The following CACNA2D1 variants were observed in gnomAD, a reference collection of about 807,000 sequenced individuals.
CACNA2D1 encodes voltage-dependent calcium channel subunit alpha-2/delta-1.
A neutral mutation model predicts 171.5 loss-of-function variants in CACNA2D1; 53 were observed. The ratio of observed to expected loss-of-function variants is 0.31; its 90% CI spans 0.25 to 0.39. CACNA2D1 has a LOEUF of 0.39. Ranked by LOEUF, CACNA2D1 falls within the 10% of genes least tolerant of loss-of-function variation. The pLI is 1.00. For missense variants in CACNA2D1, 903 were observed against 1,299.8 expected (o/e 0.69, Z 4.69); for synonymous variants, 442 against 443.1 (o/e 1.00, Z 0.03).
Position 81,997,455 on chromosome 7 carries a change from C to CTTGA in CACNA2D1, c.1591-206_1591-205insTCAA, listed in dbSNP as rs1554345207. Among the ~76,000 whole-genome samples, 873 of 151,074 alleles carry CTTGA rather than the reference C, an allele frequency of 5.8e-3. 12 individuals carry two copies. Among genetic ancestry groups the CTTGA allele is most frequent in the African/African-American group, 0.02 (841 of 41,254 alleles). On this transcript the variant is annotated intron_variant, in intron 18 of 38. Coordinates refer to ENST00000356860, the MANE Select transcript of CACNA2D1 (RefSeq NM_000722.4). ...AGATTGAGCTTTAAGTGCAGGAAAT[C>CTTGA]TTAATAAGCAAGTGAAGACAGTGTC...
chr7:82,348,141 T>A (rs1196782107), intron 2 of CACNA2D1, among the ~76,000 whole-genome samples: 1 of 152,076 alleles, frequency 6.6e-6, no homozygotes, highest in Admixed American at 6.6e-5. Flanking sequence ...CTGTACTTTC[T>A]TTTTTTTCTC....
chr7:82,412,182 A>T (rs567256562), intron 1 of CACNA2D1, among the ~76,000 whole-genome samples: 1 of 151,890 alleles, frequency 6.6e-6, no homozygotes, highest in Admixed American at 6.6e-5. Flanking sequence ...CATATCTCAC[A>T]TGTATTTGTA....
chr7:82,396,568 G>C (rs1047819797), intron 1 of CACNA2D1, among the ~76,000 whole-genome samples: 6 of 152,118 alleles, frequency 3.9e-5, no homozygotes, highest in African/African-American at 1.4e-4. Flanking sequence ...CCTTGTACTA[G>C]CTACTTCTTT....
intron 3 of CACNA2D1, among the ~76,000 whole-genome samples, chr7:82,171,346 C>A (rs1434396973): frequency 6.6e-6 from 1 of 151,848 alleles, no homozygotes; most frequent in Non-Finnish European, 1.5e-5. Context: ...AGCTTTTAGA[C>A]TTTTCTCTTT....
chr7:81,995,775 G>A (rs930658216), intron 19 of CACNA2D1, among the ~76,000 whole-genome samples: 1 of 144,536 alleles, frequency 6.9e-6, no homozygotes, highest in African/African-American at 2.7e-5. Flanking sequence ...CTCCAGCCTG[G>A]GCGACAGAGC....
In CACNA2D1 at chr7:82,067,222, C is replaced by T. The variant is rs147498007; in HGVS notation, c.659-698G>A. On this transcript the variant is annotated intron_variant, in intron 7 of 38. Transcript: ENST00000356860. The stretch of plus-strand genomic sequence containing the variant: ...ATTGATACTTACTTTAATTAAAATG[C>T]TTTACAAAGCTTTACATGCATGCAC... Among the ~76,000 whole-genome samples the T allele has an allele frequency of 3.4e-3, 518 of 152,116 alleles. 3 individuals are homozygous for T. The highest frequency in any genetic ancestry group is 0.014 in the Middle Eastern group (4 of 294).
rs915169265 is a variant in CACNA2D1 at position 82,385,314 on chromosome 7, T to G, written c.96-35665A>C. On this transcript the variant is annotated intron_variant, in intron 1 of 38. Coordinates refer to ENST00000356860, the MANE Select transcript of CACNA2D1 (RefSeq NM_000722.4). ...ACTACAGAAGGAATTATTAGTTATT[T>G]AGAGAAAAAGACTTTCTCATACATA... 2.6e-5 allele frequency among the ~76,000 whole-genome samples: 4 copies of G among 152,362 alleles called. No individual in the cohort carries two copies. The East Asian group carries it at 5.8e-4, about 22-fold the overall frequency.
chr7:82,246,028 TA>T (rs1278407540), intron 3 of CACNA2D1, among the ~76,000 whole-genome samples: 1 of 152,044 alleles, frequency 6.6e-6, no homozygotes, highest in Non-Finnish European at 1.5e-5. Context: ...TTCATAGACC[TA>T]AACCTCTGTG....
At chr7:81,976,169 A>C (rs1039614491) in intron 24 of CACNA2D1, among the ~76,000 whole-genome samples, 3 of 152,122 alleles carry the variant, frequency 2.0e-5, no homozygotes, top group African/African-American at 7.2e-5. Flanking sequence ...ATAATTCTGA[A>C]ATCAGGTAGC....
chr7:82,233,226 C>G (rs1489003031), intron 3 of CACNA2D1, among the ~76,000 whole-genome samples: 1 of 152,134 alleles, frequency 6.6e-6, no homozygotes, highest in African/African-American at 2.4e-5. Context: ...TTATTTTATT[C>G]TTGACATATT....
rs945625577 is a variant in CACNA2D1 at position 82,217,935 on chromosome 7, T to A, written c.295-47326A>T. ...ATTATTTATTTATTTATTTATTTAT[T>A]TATATTTTTATTTTTTTGAGAGGGA... On this transcript the variant is annotated intron_variant, in intron 3 of 38. Transcript: ENST00000356860. 4.6e-4 allele frequency among the ~76,000 whole-genome samples: 68 copies of A among 148,592 alleles called. 1 individual carries two copies. Among genetic ancestry groups the A allele is most frequent in the Non-Finnish European group, 8.7e-4 (58 of 66,996 alleles).
intron 5 of CACNA2D1, among the ~76,000 whole-genome samples, chr7:82,121,169 A>G (rs1329960222): frequency 6.6e-6 from 1 of 152,024 alleles, no homozygotes; most frequent in African/African-American, 2.4e-5. Flanking sequence ...TACCTACCTC[A>G]GCCTCCAGAG....
intron 4 of CACNA2D1, among the ~76,000 whole-genome samples, chr7:82,144,309 C>G (rs924294253): frequency 7.2e-5 from 11 of 151,880 alleles, no homozygotes; most frequent in Non-Finnish European, 1.5e-4. Context: ...GTATTATTTG[C>G]TTAAAGTTTA....
intron 3 of CACNA2D1, among the ~76,000 whole-genome samples, chr7:82,207,644 G>A (rs74690802): frequency 6.6e-6 from 1 of 152,082 alleles, no homozygotes; most frequent in Non-Finnish European, 1.5e-5. Flanking sequence ...CCTGTGCTAC[G>A]GCCTTAATGA....
chr7:82,327,628 C>T (rs563219606), intron 3 of CACNA2D1, among the ~76,000 whole-genome samples: 1 of 152,286 alleles, frequency 6.6e-6, no homozygotes, highest in East Asian at 1.9e-4. Flanking sequence ...GACCAAGAAA[C>T]TTCAGATGGA....
At chr7:82,024,770 A>G (rs1305060395) in intron 12 of CACNA2D1, among the ~76,000 whole-genome samples, 1 of 151,654 alleles carries the variant, frequency 6.6e-6, no homozygotes, top group Non-Finnish European at 1.5e-5. Context: ...GAGTTTTAAC[A>G]TTTTAGGTCT....
At chr7:82,304,350 CAAAAAAA>C (rs57228879) in intron 3 of CACNA2D1, among the ~76,000 whole-genome samples, 12 of 122,494 alleles carry the variant, frequency 9.8e-5, no homozygotes, top group African/African-American at 3.3e-4. Context: ...GATATTAATC[CAAAAAAA>C]AAAAAAAAGA....
chr7:82,057,162 G>A (rs998311920), intron 10 of CACNA2D1, among the ~76,000 whole-genome samples: 7 of 152,110 alleles, frequency 4.6e-5, no homozygotes, highest in African/African-American at 1.4e-4. Context: ...AAATTTTCAC[G>A]AAACTTAAAA....
rs1331015327 is a variant in CACNA2D1, at chr7:81,950,266, C to T, written c.*126G>A. On this transcript the variant is annotated 3_prime_UTR_variant, in exon 39 of 39. Transcript: ENST00000356860. The stretch of plus-strand genomic sequence containing the variant: ...TAGGAGTCTGCGCCTTAGTGTTATG[C>T]CATGGAACAGGCCCAGCTAATGTTT... The T allele has an allele frequency of 2.2e-5, 35 of 1,571,112 alleles. No individual in the cohort carries two copies. The highest frequency in any genetic ancestry group is 3.0e-5 in the Non-Finnish European group (34 of 1,150,218).
Sources: gnomAD v4.1 joint callset for allele counts (sites outside exome capture counted in the v4.1 genomes callset) on GRCh38, gnomAD v4.1.1 for gene constraint, MANE v1.5 for transcripts, NCBI Gene and HGNC (gene_info 2026-07-23, HGNC 2026-07-21) for gene names.